PAG1: variants seen among roughly 807,000 people sequenced by gnomAD.
PAG1 encodes the protein phosphoprotein associated with glycosphingolipid-enriched microdomains 1.
Under a neutral mutation model 31.7 loss-of-function variants are expected in PAG1, and 23 were observed. The observed-to-expected ratio is 0.73, with a 90% CI of 0.52 to 1.03. PAG1 has a LOEUF of 1.03. Ranked by LOEUF, PAG1 falls within the 50% of genes least tolerant of loss-of-function variation. The pLI is 0.00. For missense variants in PAG1, 473 were observed against 540.7 expected (o/e 0.87, Z 1.24); for synonymous variants, 214 against 210.3 (o/e 1.02, Z -0.15).
intron 2 of PAG1, among the ~76,000 whole-genome samples, chr8:81,060,303 A>T (rs929070511): frequency 3.3e-5 from 5 of 152,242 alleles, no homozygotes; most frequent in East Asian, 3.8e-4. Flanking sequence ...TGAAATGTGT[A>T]ACTATTAATT....
At position 80,971,923 on chromosome 8, in the gene PAG1, A is replaced by G. The variant is rs1255014007; in HGVS notation, c.*4621T>C. The stretch of plus-strand genomic sequence containing the variant: ...TAATTCCAGATAAAGATTCTAATTT[A>G]TCATGGTTTCTGGACTGATCTCTTT... On this transcript the variant is annotated 3_prime_UTR_variant, in exon 9 of 9. Transcript: ENST00000220597. 1 of 152,232 alleles carries G rather than the reference A, an allele frequency of 6.6e-6. No individual in the cohort carries two copies. The highest frequency in any genetic ancestry group is 1.9e-4 in the East Asian group (1 of 5,196). The allele number at this position is 152,232 out of a possible 1,614,324, so 9.4% of individuals were successfully genotyped here.
chr8:80,977,610 AACAG>A (rs1266387951), intron 8 of PAG1, among the ~76,000 whole-genome samples: 2 of 152,234 alleles, frequency 1.3e-5, no homozygotes, highest in African/African-American at 2.4e-5. Flanking sequence ...TTACTGGTTA[AACAG>A]ACATTGACAG....
At position 80,976,720 on chromosome 8, in the gene PAG1, G is replaced by A; in HGVS notation, c.1123C>T (p.Pro375Ser). 2 of 1,614,122 alleles carry A rather than the reference G, an allele frequency of 1.2e-6. No individual in the cohort carries two copies. Among genetic ancestry groups the A allele is most frequent in the Non-Finnish European group, 8.5e-7 (1 of 1,179,978 alleles). The change falls in exon 9 of 9, where the codon CCA becomes TCA. Residue 375 changes from proline (P) to serine (S), a missense_variant. Transcript: ENST00000220597. The part of the protein sequence containing the change: ...FEKTPNSTLP[P>S]AGRPSEEPEP... ...GGCTCCTCGCTGGGCCTCCCTGCTG[G>A]TGGAAGTGTGCTGTTTGGAGTTTTT... is the stretch of plus-strand genomic sequence containing the variant.
intron 3 of PAG1, among the ~76,000 whole-genome samples, chr8:81,005,303 T>C (rs1008269987): frequency 6.6e-6 from 1 of 152,194 alleles, no homozygotes; most frequent in African/African-American, 2.4e-5. Context: ...TATATATGTA[T>C]GTATGTATGT....
At chr8:81,019,143 C>A (rs1050257648) in intron 3 of PAG1, among the ~76,000 whole-genome samples, 9 of 152,080 alleles carry the variant, frequency 5.9e-5, no homozygotes, top group African/African-American at 2.2e-4. Context: ...GAATTTGAGA[C>A]AAATGATTTA....
chr8:80,997,868 CAG>C (rs1359953668), intron 3 of PAG1, among the ~76,000 whole-genome samples: 2 of 152,092 alleles, frequency 1.3e-5, no homozygotes, highest in Non-Finnish European at 2.9e-5. Flanking sequence ...GTAAAAGACT[CAG>C]TGGTACTACC....
At chr8:81,031,813 C>T (rs145658353) in intron 2 of PAG1, among the ~76,000 whole-genome samples, 277 of 152,212 alleles carry the variant, frequency 1.8e-3, no homozygotes, top group African/African-American at 6.4e-3. Flanking sequence ...AATATTCCAA[C>T]GAAACAAGGT....
intron 1 of PAG1, among the ~76,000 whole-genome samples, chr8:81,078,212 T>C (rs1809208498): frequency 6.6e-6 from 1 of 152,202 alleles, no homozygotes; most frequent in African/African-American, 2.4e-5. Flanking sequence ...TTAATCTGTT[T>C]AGTAAAATCA....
At chr8:81,094,130 CTT>C (rs1161027894) in intron 1 of PAG1, among the ~76,000 whole-genome samples, 1 of 152,062 alleles carries the variant, frequency 6.6e-6, no homozygotes, top group Non-Finnish European at 1.5e-5. Context: ...GTTTTCTTGT[CTT>C]TTTTTGTTTT....
chr8:80,981,869 T>C (rs1807311705), intron 7 of PAG1, among the ~76,000 whole-genome samples: 1 of 143,516 alleles, frequency 7.0e-6, no homozygotes, highest in African/African-American at 2.7e-5. Context: ...TTCCTTTTTT[T>C]TTTTTTTTTT....
At chr8:81,010,475 T>A (rs1437624342) in intron 3 of PAG1, among the ~76,000 whole-genome samples, 1 of 152,230 alleles carries the variant, frequency 6.6e-6, no homozygotes, top group Non-Finnish European at 1.5e-5. Context: ...CATTTTCAAA[T>A]ATAAAAATTT....
intron 2 of PAG1, among the ~76,000 whole-genome samples, chr8:81,041,770 T>C (rs190915329): frequency 6.6e-6 from 1 of 152,262 alleles, no homozygotes; most frequent in African/African-American, 2.4e-5. Context: ...TATGAACAAC[T>C]ATTGCCAATA....
chr8:81,058,475 G>C (rs1213819636), intron 2 of PAG1: 1 of 152,330 alleles, frequency 6.6e-6, no homozygotes, highest in Non-Finnish European at 1.5e-5. Context: ...TTTAAAGCTG[G>C]TGGTGTGTGC....
chr8:80,982,952 C>T (rs73692521), intron 7 of PAG1, among the ~76,000 whole-genome samples: 1,837 of 152,284 alleles, frequency 0.012, 36 homozygotes, highest in African/African-American at 0.043. Flanking sequence ...TCACTTCTAC[C>T]CTTTATTTCA....
chr8:81,050,604 C>T (rs1379552841), intron 2 of PAG1, among the ~76,000 whole-genome samples: 2 of 152,174 alleles, frequency 1.3e-5, no homozygotes, highest in Non-Finnish European at 2.9e-5. Flanking sequence ...TACTCACAGT[C>T]CTTTCTATCT....
intron 1 of PAG1, among the ~76,000 whole-genome samples, chr8:81,073,058 T>C (rs1055769117): frequency 6.6e-6 from 1 of 152,238 alleles, no homozygotes; most frequent in Non-Finnish European, 1.5e-5. Flanking sequence ...TCCTTGAGAA[T>C]GACCAGCACA....
At chr8:81,085,558 A>C (rs1809337147) in intron 1 of PAG1, among the ~76,000 whole-genome samples, 1 of 152,260 alleles carries the variant, frequency 6.6e-6, no homozygotes, top group African/African-American at 2.4e-5. Context: ...AAATGTGCTT[A>C]GGAAAGAAAA....
Position 80,998,566 on chromosome 8 carries a change from A to G in PAG1, c.-80-5259T>C, listed in dbSNP as rs530571721. Among the ~76,000 whole-genome samples the G allele has an allele frequency of 2.9e-4, 44 of 149,462 alleles. No homozygotes were observed. In the South Asian group the frequency reaches 9.4e-3, roughly 32 times the overall value. On this transcript the variant is annotated intron_variant, in intron 3 of 8. Coordinates refer to ENST00000220597, the MANE Select transcript of PAG1 (RefSeq NM_018440.4). ...TGAATTGTCTTCATTAGCCTGCACTATCAGCCACCAAAATCAATTCCAACA... is the reference window on the plus strand; with the variant it reads ...TGAATTGTCTTCATTAGCCTGCACTGTCAGCCACCAAAATCAATTCCAACA...
At chr8:81,088,662 G>T (rs1460069729) in intron 1 of PAG1, among the ~76,000 whole-genome samples, 3 of 152,226 alleles carry the variant, frequency 2.0e-5, no homozygotes, top group Middle Eastern at 3.4e-3. Flanking sequence ...AATCTGCCTT[G>T]CCTATTTAAT....
Sources: gnomAD v4.1 joint callset for allele counts (sites outside exome capture counted in the v4.1 genomes callset) on GRCh38, gnomAD v4.1.1 for gene constraint, MANE v1.5 for transcripts, NCBI Gene and HGNC (gene_info 2026-07-23, HGNC 2026-07-21) for gene names.